Variants in COL24A1 observed in about 807,000 individuals in gnomAD.
COL24A1 encodes the protein collagen type XXIV alpha 1 chain.
A neutral mutation model predicts 253.9 loss-of-function variants in COL24A1; 224 were observed. The ratio of observed to expected loss-of-function variants is 0.88; its 90% CI spans 0.79 to 0.99. COL24A1 has a LOEUF of 0.99. Among genes scored for constraint, COL24A1 ranks in the 50% least tolerant of loss-of-function variants. The probability of loss-of-function intolerance (pLI) is 0.00; values close to 1 mark genes in which losing one functional copy is unlikely to be tolerated. For missense variants in COL24A1, 2,131 were observed against 2,068.5 expected, an observed-to-expected ratio of 1.03 and a Z score of -0.59; for synonymous variants, 685 against 673.7, an observed-to-expected ratio of 1.02 and a Z score of -0.26.
At chr1:85,754,885 A>G (rs1046024235) in intron 55 of COL24A1, among the ~76,000 whole-genome samples, 2 of 152,130 alleles carry the variant, frequency 1.3e-5, no homozygotes, top group Admixed American at 1.3e-4. Flanking sequence ...GAAGGGGAGG[A>G]GAGAGAAAAG....
chr1:85,732,082 C>T (rs185992725), intron 59 of COL24A1, among the ~76,000 whole-genome samples: 2 of 152,282 alleles, frequency 1.3e-5, no homozygotes, highest in African/African-American at 2.4e-5. Context: ...AATTCTGGTA[C>T]TCTCACTTTC....
At chr1:86,043,835 A>C (rs564943576) in intron 12 of COL24A1, among the ~76,000 whole-genome samples, 1 of 152,136 alleles carries the variant, frequency 6.6e-6, no homozygotes, top group African/African-American at 2.4e-5. Context: ...TCAAACTTCT[A>C]AATAGCTCTC....
At chr1:86,075,298 T>C (rs1034023399) in intron 7 of COL24A1, among the ~76,000 whole-genome samples, 3 of 152,068 alleles carry the variant, frequency 2.0e-5, no homozygotes, top group Non-Finnish European at 4.4e-5. Context: ...CTAGAAGAAA[T>C]TGATAAATTC....
At chr1:85,988,134 A>G (rs1693897946) in intron 19 of COL24A1, among the ~76,000 whole-genome samples, 1 of 151,452 alleles carries the variant, frequency 6.6e-6, no homozygotes, top group Non-Finnish European at 1.5e-5. Flanking sequence ...ATTATGGCTT[A>G]ATATACAGGA....
At chr1:86,076,386 A>G (rs1702244683) in intron 7 of COL24A1, among the ~76,000 whole-genome samples, 1 of 152,230 alleles carries the variant, frequency 6.6e-6, no homozygotes, top group African/African-American at 2.4e-5. Context: ...CAAGGAAATA[A>G]GAGACAACAC....
At chr1:85,732,253 C>G (rs1366676972) in intron 59 of COL24A1, among the ~76,000 whole-genome samples, 1 of 142,766 alleles carries the variant, frequency 7.0e-6, no homozygotes, top group African/African-American at 2.6e-5. Flanking sequence ...TTTTTTGAGA[C>G]GGAGTCTCAC....
intron 47 of COL24A1, among the ~76,000 whole-genome samples, chr1:85,805,461 C>A (rs313738): frequency 0.49 from 73,859 of 151,882 alleles, 18,310 homozygotes; most frequent in South Asian, 0.6. Context: ...AGTAGTGCTT[C>A]TTTAAATCAG....
intron 24 of COL24A1, among the ~76,000 whole-genome samples, chr1:85,933,876 A>G (rs939708830): frequency 6.6e-6 from 1 of 152,176 alleles, no homozygotes; most frequent in African/African-American, 2.4e-5. Context: ...ATTATGTATT[A>G]CTATTTTAGT....
intron 43 of COL24A1, among the ~76,000 whole-genome samples, chr1:85,827,781 C>G (rs1340337601): frequency 6.6e-6 from 1 of 152,034 alleles, no homozygotes; most frequent in African/African-American, 2.4e-5. Flanking sequence ...TCCCCTTTAT[C>G]ATTTTTTATT....
At chr1:86,126,290 G>T in intron 2 of COL24A1, 76 bp from the exon 3 acceptor site, 2 of 1,333,878 alleles carry the variant, frequency 1.5e-6, no homozygotes, top group Non-Finnish European at 2.0e-6. Flanking sequence ...GTTTGAATAT[G>T]ATAAAAATCT....
intron 14 of COL24A1, among the ~76,000 whole-genome samples, chr1:86,025,646 G>A (rs1697961947): frequency 6.6e-6 from 1 of 152,198 alleles, no homozygotes; most frequent in Non-Finnish European, 1.5e-5. Context: ...AGAGGCTGCT[G>A]CTCCGGGCAA....
At chr1:85,891,896 A>G (rs952252212) in intron 31 of COL24A1, among the ~76,000 whole-genome samples, 1 of 152,198 alleles carries the variant, frequency 6.6e-6, no homozygotes, top group Non-Finnish European at 1.5e-5. Flanking sequence ...GGAAAAGCAC[A>G]AGCTGGAATA....
At chr1:86,015,026 C>T (rs1696867352) in intron 19 of COL24A1, among the ~76,000 whole-genome samples, 1 of 152,132 alleles carries the variant, frequency 6.6e-6, no homozygotes, top group African/African-American at 2.4e-5. Context: ...AAAATTCATC[C>T]ACTATACAAG....
intron 2 of COL24A1, among the ~76,000 whole-genome samples, chr1:86,134,029 C>A (rs1467915122): frequency 1.3e-5 from 2 of 152,000 alleles, no homozygotes; most frequent in Non-Finnish European, 2.9e-5. Flanking sequence ...ATTTCAGAGC[C>A]TGTTATTGGT....
intron 2 of COL24A1, among the ~76,000 whole-genome samples, chr1:86,142,452 GGC>G: frequency 6.6e-6 from 1 of 151,160 alleles, no homozygotes; most frequent in Admixed American, 6.6e-5. Flanking sequence ...GAACCTGGGA[GGC>G]AGAGCTTGCA....
intron 40 of COL24A1, 40 bp from the exon 41 acceptor site, chr1:85,842,161 A>C (rs879183970): frequency 6.4e-7 from 1 of 1,561,244 alleles, no homozygotes; most frequent in Admixed American, 1.7e-5. Flanking sequence ...TGCTCTACCT[A>C]GATATTAGAT....
chr1:86,125,661 A>C lies in COL24A1; in HGVS notation c.675T>G (p.Ile225Met). The C allele has an allele frequency of 6.2e-7, 1 of 1,612,168 alleles. No homozygotes were observed. The highest frequency in any genetic ancestry group is 8.5e-7 in the Non-Finnish European group (1 of 1,178,716). Reference sequence around the variant, plus strand: ...AGTCTGCAGATGCTTCTGCAGAAGGAATAATATCTAACTGACATACTATTC... The same window carrying C: ...AGTCTGCAGATGCTTCTGCAGAAGGCATAATATCTAACTGACATACTATTC... ...FEGIVCQLDI[I>M]PSAEASADYC... The change falls in exon 3 of 60, where the codon ATT (isoleucine) becomes ATG (methionine). Residue 225 changes from isoleucine (I) to methionine (M), a missense_variant. Physicochemically the swap from Ile to Met is conservative, Grantham distance 10. Coordinates refer to ENST00000370571, the MANE Select transcript of COL24A1 (RefSeq NM_152890.7).
At chr1:85,828,134 T>C (rs1674651324) in intron 43 of COL24A1, among the ~76,000 whole-genome samples, 1 of 152,092 alleles carries the variant, frequency 6.6e-6, no homozygotes, top group South Asian at 2.1e-4. Context: ...TTTGTTCTTG[T>C]TGGTTTCAAA....
At chr1:86,108,807 CAA>C (rs369466863) in intron 5 of COL24A1, among the ~76,000 whole-genome samples, 1 of 142,808 alleles carries the variant, frequency 7.0e-6, no homozygotes, top group Non-Finnish European at 1.5e-5. Context: ...AATTCCGTCT[CAA>C]AAAAAAAAAA....
Sources: allele counts gnomAD v4.1 joint callset (sites outside exome capture counted in the v4.1 genomes callset), GRCh38; gene constraint gnomAD v4.1.1; transcripts MANE v1.5; gene names NCBI Gene and HGNC (gene_info 2026-07-23, HGNC 2026-07-21).